DOP1A: variants seen among roughly 807,000 people sequenced by gnomAD.
DOP1A encodes the protein protein DOP1A.
A neutral mutation model predicts 267.6 loss-of-function variants in DOP1A; 90 were observed. The ratio of observed to expected loss-of-function variants is 0.34; its 90% CI spans 0.28 to 0.40. The LOEUF is 0.40. DOP1A is among the 10% of genes least tolerant of loss of function. DOP1A has a pLI of 1.00. For synonymous variants in DOP1A, 932 were observed against 999.1 expected (o/e 0.93, Z 1.27); for missense variants, 2,437 against 2,900.4 (o/e 0.84, Z 3.67).
chr6:83,069,470 A>G (rs1197133000), intron 1 of DOP1A, among the ~76,000 whole-genome samples: 1 of 152,220 alleles, frequency 6.6e-6, no homozygotes, highest in African/African-American at 2.4e-5. Context: ...CTCTTAGAAT[A>G]TAATTACATA....
At chr6:83,160,614 C>T (rs1050774793) in intron 37 of DOP1A, among the ~76,000 whole-genome samples, 4 of 151,996 alleles carry the variant, frequency 2.6e-5, no homozygotes, top group Non-Finnish European at 5.9e-5. Flanking sequence ...GCAGTTTTAT[C>T]TTAGATGATA....
At chr6:83,125,079 T>G in intron 13 of DOP1A, 87 bp from the exon 14 acceptor site, 21 of 1,209,410 alleles carry the variant, frequency 1.7e-5, no homozygotes, top group Non-Finnish European at 2.5e-5. Context: ...TGCATTTATA[T>G]TAATATTATT....
chr6:83,104,260 A>C (rs887589704), intron 4 of DOP1A, among the ~76,000 whole-genome samples: 2 of 152,270 alleles, frequency 1.3e-5, no homozygotes, highest in African/African-American at 4.8e-5. Flanking sequence ...TCCGATTTTA[A>C]TAATTTCATA....
downstream of DOP1A, chr6:83,169,196 G>C (rs753669048): frequency 1.7e-5 from 27 of 1,611,574 alleles, no homozygotes; most frequent in Non-Finnish European, 2.0e-5. Flanking sequence ...GTAAAGACTT[G>C]TAAAAAGTCC....
At chr6:83,099,513 A>G (rs1427237906) in intron 3 of DOP1A, among the ~76,000 whole-genome samples, 1 of 152,146 alleles carries the variant, frequency 6.6e-6, no homozygotes, top group Non-Finnish European at 1.5e-5. Context: ...AAGGCAAGTC[A>G]TTAAATGATG....
Position 83,137,913 on chromosome 6 carries a change from G to A in DOP1A, c.3871G>A (p.Gly1291Ser), listed in dbSNP as rs1779094006. ...SEKETIVKES[G>S]KQPGAKPKVK... ...GAAGGAAACAATAGTTAAGGAGTCA[G>A]GTAAACAACCAGGAGCAAAACCTAA... The change falls in exon 21 of 39, where the codon GGT (glycine) becomes AGT (serine). Residue 1291 changes from glycine (G) to serine (S), a missense_variant. By Grantham distance (56) the Gly-to-Ser change is moderately conservative. This residue lies in a region of DOP1A where 878 missense variants were observed against 992.9 expected (regional missense o/e 0.88). Transcript: ENST00000349129. 1 of 1,610,664 alleles carries A rather than the reference G, an allele frequency of 6.2e-7. No homozygotes were observed. The highest frequency in any genetic ancestry group is 8.5e-7 in the Non-Finnish European group (1 of 1,179,010).
At chr6:83,165,832 C>T in intron 38 of DOP1A, 1 of 326,116 alleles carries the variant, frequency 3.1e-6, no homozygotes, top group South Asian at 2.8e-5. Flanking sequence ...CCAATGCCGG[C>T]TGCAGGCATT....
Position 83,096,774 on chromosome 6 carries a change from C to T in DOP1A, c.-103C>T. 1 of 470,662 alleles carries T rather than the reference C, an allele frequency of 2.1e-6. No homozygotes were observed. Among genetic ancestry groups the T allele is most frequent in the Non-Finnish European group, 3.7e-6 (1 of 272,344 alleles). 29.2% of individuals were successfully genotyped at this position (470,662 alleles called of 1,614,324 possible). A position where few individuals can be genotyped will look rare whatever the true frequency, so the allele number is the denominator to read the frequency against. The stretch of plus-strand genomic sequence containing the variant: ...TTATCTTTCAGGCTGTCTTTGAATA[C>T]TTCCATGACCCTGAACACTAGCTGA... On this transcript the variant is annotated 5_prime_UTR_variant, in exon 2 of 39. Coordinates refer to ENST00000349129, the MANE Select transcript of DOP1A (RefSeq NM_015018.4).
chr6:83,090,962 A>T (rs1411288136), intron 1 of DOP1A, among the ~76,000 whole-genome samples: 1 of 152,176 alleles, frequency 6.6e-6, no homozygotes, highest in African/African-American at 2.4e-5. Flanking sequence ...GCTGATAAAG[A>T]CATACCTGAG....
chr6:83,087,759 G>A (rs1439462982), intron 1 of DOP1A, among the ~76,000 whole-genome samples: 2 of 152,220 alleles, frequency 1.3e-5, no homozygotes, highest in Non-Finnish European at 2.9e-5. Flanking sequence ...TATTTAGTAA[G>A]TACACTGTAA....
At chr6:83,091,831 T>G (rs1770478146) in intron 1 of DOP1A, among the ~76,000 whole-genome samples, 1 of 152,216 alleles carries the variant, frequency 6.6e-6, no homozygotes, top group African/African-American at 2.4e-5. Flanking sequence ...CTGATAAAAT[T>G]TATGCGTGTG....
At chr6:83,124,935 C>T (rs1776917457) in intron 13 of DOP1A, 116 bp downstream of exon 13, 1 of 975,344 alleles carries the variant, frequency 1.0e-6, no homozygotes, top group Non-Finnish European at 1.5e-6. Context: ...TGATTTTTTC[C>T]TCTTTGGTAA....
At chr6:83,141,885 A>G in intron 23 of DOP1A, 36 bp from the exon 24 acceptor site, 3 of 1,570,318 alleles carry the variant, frequency 1.9e-6, no homozygotes, top group Non-Finnish European at 2.6e-6. Context: ...TTCATTTTTT[A>G]AAAGTTTCAC....
chr6:83,085,793 G>GTTATT (rs1769087957), intron 1 of DOP1A, among the ~76,000 whole-genome samples: 1 of 144,620 alleles, frequency 6.9e-6, no homozygotes, highest in African/African-American at 2.7e-5. Context: ...GTTATGTTAT[G>GTTATT]TTATGTTATG....
intron 36 of DOP1A, 128 bp from the exon 37 acceptor site, chr6:83,159,668 C>A: frequency 9.8e-7 from 1 of 1,020,714 alleles, no homozygotes; most frequent in Non-Finnish European, 1.5e-6. Context: ...CATGACCTTG[C>A]TTAGCAATTA....
intron 1 of DOP1A, among the ~76,000 whole-genome samples, chr6:83,094,089 C>G (rs373641502): frequency 1.3e-5 from 2 of 152,156 alleles, no homozygotes; most frequent in East Asian, 3.8e-4. Flanking sequence ...CTTCTCCCCC[C>G]ACTCTAATCA....
chr6:83,147,241 T>A lies in DOP1A; in HGVS notation c.5682T>A (p.His1894Gln). The A allele has an allele frequency of 1.4e-6, 2 of 1,466,152 alleles. No individual in the cohort carries two copies. The highest frequency in any genetic ancestry group is 2.8e-5 in the African/African-American group (2 of 71,608). 90.8% of individuals were successfully genotyped at this position (1,466,152 alleles called of 1,614,324 possible). ...TTGATTTCTTTTATTTATAGAAACATCTTTCTTTGGAAGTCTGCATGCTTC... is the reference window on the plus strand; with the variant it reads ...TTGATTTCTTTTATTTATAGAAACAACTTTCTTTGGAAGTCTGCATGCTTC... ...QPPAIAKDKK[H>Q]LSLEVCMLQF... The change falls in exon 26 of 39, where the codon CAT becomes CAA. Residue 1894 changes from histidine (H) to glutamine (Q), a missense_variant. Coordinates refer to ENST00000349129, the MANE Select transcript of DOP1A (RefSeq NM_015018.4).
intron 3 of DOP1A, among the ~76,000 whole-genome samples, chr6:83,098,626 A>G (rs28379918): frequency 0.032 from 4,918 of 152,232 alleles, 203 homozygotes; most frequent in African/African-American, 0.091. Context: ...TACAAAGGAT[A>G]CAAGTGAAGA....
In DOP1A at chr6:83,151,958, C is replaced by T. The variant is rs1375058314; in HGVS notation, c.5980C>T (p.Arg1994Ter). The change falls in exon 29 of 39, where the codon CGA becomes TGA. Residue 1994 changes from arginine to a stop codon, truncating the protein, a stop_gained. Coordinates refer to ENST00000349129, the MANE Select transcript of DOP1A (RefSeq NM_015018.4). LOFTEE classifies it high-confidence loss of function. The stretch of plus-strand genomic sequence containing the variant: ...TCTGGAACAGACAACATGGCTGCGA[C>T]GAAATCTTGAAGTTAAGCCTTCTCC... Reference protein sequence around the residue: ...SSLEQTTWLRRNLEVKPSPKI... With the variant: ...SSLEQTTWLR 9.3e-6 allele frequency: 15 copies of T among 1,613,668 alleles called. No homozygotes were observed. The highest frequency in any genetic ancestry group is 1.1e-5 in the Non-Finnish European group (13 of 1,179,846).
Sources: allele counts gnomAD v4.1 joint callset (sites outside exome capture counted in the v4.1 genomes callset), GRCh38; gene constraint gnomAD v4.1.1; regional missense constraint gnomAD v4.1.1; transcripts MANE v1.5; gene names NCBI Gene and HGNC (gene_info 2026-07-23, HGNC 2026-07-21).